The following WFDC1 variants were observed in gnomAD, a reference collection of about 807,000 sequenced individuals.
The protein encoded by WFDC1 is WAP four-disulfide core domain protein 1.
Under a neutral mutation model 32.9 loss-of-function variants are expected in WFDC1, and 39 were observed. That is an observed-to-expected ratio of 1.19 (90% CI 0.92 to 1.55). The LOEUF is 1.55. Ranked by LOEUF, WFDC1 falls within the 40% of genes most tolerant of loss-of-function variation. WFDC1 has a pLI of 0.00. For synonymous variants in WFDC1, 184 were observed against 137.4 expected, an observed-to-expected ratio of 1.34 and a Z score of -2.37; for missense variants, 386 against 309.5, an observed-to-expected ratio of 1.25 and a Z score of -1.85.
intron 1 of WFDC1, among the ~76,000 whole-genome samples, chr16:84,308,262 C>G (rs1346565986): frequency 3.9e-5 from 6 of 152,114 alleles, no homozygotes; most frequent in African/African-American, 1.4e-4. Flanking sequence ...CTTGGTGATT[C>G]CACCAATTCC....
At chr16:84,313,710 G>C (rs1262815258) in intron 2 of WFDC1, among the ~76,000 whole-genome samples, 1 of 152,186 alleles carries the variant, frequency 6.6e-6, no homozygotes, top group Non-Finnish European at 1.5e-5. Flanking sequence ...TGGAGACCAG[G>C]AGCTTAGCAA....
At chr16:84,308,985 G>A (rs72487989) in intron 1 of WFDC1, among the ~76,000 whole-genome samples, 13,735 of 152,308 alleles carry the variant, frequency 0.09, 746 homozygotes, top group East Asian at 0.18. Flanking sequence ...GGGAAGTTCT[G>A]TAGGGAGAAA....
At chr16:84,328,682 C>G (rs777135081) in intron 6 of WFDC1, 1 of 152,118 alleles carries the variant, frequency 6.6e-6, no homozygotes, top group Non-Finnish European at 1.5e-5. Flanking sequence ...CAGCAGCTCC[C>G]GCCTGTAATC....
At chr16:84,300,358 T>G (rs1181977859) in intron 1 of WFDC1, among the ~76,000 whole-genome samples, 1 of 152,252 alleles carries the variant, frequency 6.6e-6, no homozygotes, top group African/African-American at 2.4e-5. Context: ...CCACTGGGTT[T>G]GAGCTCTAGT....
intron 3 of WFDC1, chr16:84,318,910 TTGTGTGTGTG>T (rs58546650): frequency 0.038 from 6,363 of 165,494 alleles, 177 homozygotes; most frequent in South Asian, 0.075. Context: ...GGCTGAATAT[TTGTGTGTGTG>T]TGTGTGTGTG....
intron 1 of WFDC1, among the ~76,000 whole-genome samples, chr16:84,305,722 C>T (rs1907210200): frequency 6.6e-6 from 1 of 152,144 alleles, no homozygotes; most frequent in Non-Finnish European, 1.5e-5. Context: ...ATAAAAGGAG[C>T]CAGGCGTGGT....
chr16:84,324,403 C>T lies in WFDC1; in HGVS notation c.563-16C>T, dbSNP rs1230966814. 2 of 1,612,212 alleles carry T rather than the reference C, an allele frequency of 1.2e-6. No homozygotes were observed. The highest frequency in any genetic ancestry group is 2.2e-5 in the East Asian group (1 of 44,874). ...AAACTCCTAAAAGAAGTTTTTTCCTCTCACTTGTTTTCCAGATGGGCGAAT... is the reference window on the plus strand; with the variant it reads ...AAACTCCTAAAAGAAGTTTTTTCCTTTCACTTGTTTTCCAGATGGGCGAAT... On this transcript the variant is annotated splice_polypyrimidine_tract_variant and intron_variant, in intron 4 of 6. Coordinates refer to ENST00000219454, the MANE Select transcript of WFDC1 (RefSeq NM_021197.4).
intron 4 of WFDC1, among the ~76,000 whole-genome samples, chr16:84,321,513 G>A (rs1908302421): frequency 6.6e-6 from 1 of 152,204 alleles, no homozygotes; most frequent in Non-Finnish European, 1.5e-5. Flanking sequence ...GGCATAATAG[G>A]AATGCCTTGG....
At chr16:84,310,056 A>G (rs940383405) in intron 1 of WFDC1, among the ~76,000 whole-genome samples, 9 of 151,434 alleles carry the variant, frequency 5.9e-5, no homozygotes, top group Admixed American at 5.3e-4. Flanking sequence ...GTCTTTGGGG[A>G]CCTTTATTCA....
intron 1 of WFDC1, among the ~76,000 whole-genome samples, chr16:84,312,266 A>T (rs1434965708): frequency 6.6e-6 from 1 of 152,196 alleles, no homozygotes; most frequent in African/African-American, 2.4e-5. Context: ...CCATGTAACC[A>T]GCCCCCAGAC....
chr16:84,327,059 C>A, intron 6 of WFDC1, 104 bp downstream of exon 6: 1 of 1,064,906 alleles, frequency 9.4e-7, no homozygotes, highest in Non-Finnish European at 1.4e-6. Flanking sequence ...GAGAGTAGCG[C>A]TTTCCCTACT....
chr16:84,310,462 C>T (rs1229382397), intron 1 of WFDC1, among the ~76,000 whole-genome samples: 2 of 152,044 alleles, frequency 1.3e-5, no homozygotes, highest in African/African-American at 2.4e-5. Context: ...GATGTGCCCT[C>T]GCTCTGCATG....
At chr16:84,319,277 G>T in intron 3 of WFDC1, 154 bp from the exon 4 acceptor site, 2 of 996,062 alleles carry the variant, frequency 2.0e-6, no homozygotes, top group Non-Finnish European at 2.9e-6. Flanking sequence ...GAGACCCAGG[G>T]CCTAGCCTGG....
At chr16:84,316,413 T>C (rs1317989113) in intron 2 of WFDC1, 1 of 151,384 alleles carries the variant, frequency 6.6e-6, no homozygotes, top group Non-Finnish European at 1.5e-5. Flanking sequence ...GTCAAACGAA[T>C]GCAGAGGTCA....
At chr16:84,312,181 CAA>C (rs1170113940) in intron 1 of WFDC1, among the ~76,000 whole-genome samples, 1 of 152,034 alleles carries the variant, frequency 6.6e-6, no homozygotes, top group African/African-American at 2.4e-5. Context: ...CAAAACAAAA[CAA>C]ACAAACAAAA....
In WFDC1 at chr16:84,319,546, G is replaced by C. The variant is rs1264829560; in HGVS notation, c.537G>C (p.Gln179His). ...CCGAAGGTATCCCCAACCGTGGGCA[G>C]TGCGTCAAGCAGCGCCGGCAAGCAG... ...DVAEGIPNRG[Q>H]CVKQRRQADG... Residue 179 changes from glutamine (Q) to histidine (H), a missense_variant, in exon 4 of 7, where the codon CAG becomes CAC. Physicochemically the swap from Gln to His is conservative, Grantham distance 24. Transcript: ENST00000219454. 6.2e-7 allele frequency: 1 copy of C among 1,613,010 alleles called. No homozygotes were observed. The highest frequency in any genetic ancestry group is 1.1e-5 in the South Asian group (1 of 91,086).
At chr16:84,318,397 A>G (rs1908090443) in intron 3 of WFDC1, 42 bp downstream of exon 3, 1 of 1,595,324 alleles carries the variant, frequency 6.3e-7, no homozygotes. Context: ...CCAAGCCTCG[A>G]TCCCTCCTTC....
chr16:84,304,948 A>G (rs370296327), intron 1 of WFDC1, among the ~76,000 whole-genome samples: 22 of 152,224 alleles, frequency 1.4e-4, no homozygotes, highest in African/African-American at 4.8e-4. Context: ...GACAGGCACC[A>G]TTGGGAAGCA....
intron 2 of WFDC1, among the ~76,000 whole-genome samples, chr16:84,314,430 G>A (rs1176092644): frequency 6.6e-6 from 1 of 152,118 alleles, no homozygotes; most frequent in Non-Finnish European, 1.5e-5. Flanking sequence ...CAGCTGTTTG[G>A]ACTGTACCTT....
Sources: allele counts gnomAD v4.1 joint callset (sites outside exome capture counted in the v4.1 genomes callset), GRCh38; gene constraint gnomAD v4.1.1; transcripts MANE v1.5; gene names NCBI Gene and HGNC (gene_info 2026-07-23, HGNC 2026-07-21).